MACF1: variants seen among roughly 807,000 people sequenced by gnomAD.
MACF1 encodes microtubule-actin cross-linking factor 1.
In MACF1, 193 loss-of-function variants were observed where a neutral mutation model predicts 854.8. The observed-to-expected ratio is 0.23, with a 90% CI of 0.20 to 0.25. The LOEUF (loss-of-function observed/expected upper bound fraction) is 0.25. Ranked by LOEUF, MACF1 falls within the 10% of genes least tolerant of loss-of-function variation. The pLI is 1.00. For missense variants in MACF1, 7,722 were observed against 8,929.1 expected, an observed-to-expected ratio of 0.86 and a Z score of 5.45; for synonymous variants, 3,185 against 3,226.7, an observed-to-expected ratio of 0.99 and a Z score of 0.44.
chr1:39,310,680 T>C (rs904540916), intron 25 of MACF1, 151 bp from the exon 26 acceptor site: 6 of 854,050 alleles, frequency 7.0e-6, no homozygotes, highest in Non-Finnish European at 1.1e-5. Context: ...GTTTGGACTC[T>C]CAAAGATTAG....
intron 6 of MACF1, among the ~76,000 whole-genome samples, chr1:39,271,068 G>A (rs1645310007): frequency 6.6e-6 from 1 of 152,180 alleles, no homozygotes; most frequent in African/African-American, 2.4e-5. Context: ...TGATAGTTGT[G>A]TTATGGTAGG....
At chr1:39,414,549 A>G (rs1404383893) in intron 58 of MACF1, 8 of 1,591,034 alleles carry the variant, frequency 5.0e-6, no homozygotes, top group Non-Finnish European at 6.9e-6. Flanking sequence ...CCTGGTGGTG[A>G]TGAGAAATGG....
intron 22 of MACF1, among the ~76,000 whole-genome samples, chr1:39,301,796 G>A (rs1646049179): frequency 6.6e-6 from 1 of 151,748 alleles, no homozygotes; most frequent in Non-Finnish European, 1.5e-5. Context: ...CATTGCTCTT[G>A]GGAAAAAGCC....
At chr1:39,095,806 C>A (rs1293718368) in intron 2 of MACF1, among the ~76,000 whole-genome samples, 3 of 151,436 alleles carry the variant, frequency 2.0e-5, no homozygotes, top group African/African-American at 7.3e-5. Context: ...CCCAGGAGGT[C>A]ATGGCTGCAG....
At chr1:39,324,573 A>C (rs1646574586) in intron 34 of MACF1, 73 bp from the exon 35 acceptor site, 1 of 1,298,466 alleles carries the variant, frequency 7.7e-7, no homozygotes, top group Admixed American at 2.2e-5. Flanking sequence ...GGATTTAAAA[A>C]AATAATTTTA....
chr1:39,232,746 G>GTTTTTTTTTTTTT (rs10712180), intron 2 of MACF1, among the ~76,000 whole-genome samples: 6 of 128,484 alleles, frequency 4.7e-5, no homozygotes, highest in Non-Finnish European at 5.0e-5. Context: ...TACTCTCTTT[G>GTTTTTTTTTTTTT]TTTTTTTTTT....
At chr1:39,261,631 C>T (rs1390480750) in intron 6 of MACF1, among the ~76,000 whole-genome samples, 1 of 152,154 alleles carries the variant, frequency 6.6e-6, no homozygotes, top group Non-Finnish European at 1.5e-5. Flanking sequence ...TGGCACATAT[C>T]AGTACGTCAT....
chr1:39,359,035 G>T, intron 46 of MACF1, 106 bp from the exon 47 acceptor site: 1 of 1,469,252 alleles, frequency 6.8e-7, no homozygotes. Flanking sequence ...TTATGGCTAT[G>T]GTTAAACTTA....
At chr1:39,425,093 A>T (rs1361047364) in intron 61 of MACF1, among the ~76,000 whole-genome samples, 1 of 152,210 alleles carries the variant, frequency 6.6e-6, no homozygotes, top group East Asian at 1.9e-4. Context: ...GTCCATTTCC[A>T]GTAATGGTAC....
intron 6 of MACF1, among the ~76,000 whole-genome samples, chr1:39,268,077 A>G (rs562521821): frequency 2.6e-5 from 4 of 152,170 alleles, no homozygotes; most frequent in Admixed American, 1.3e-4. Context: ...CTTAAAATCT[A>G]TTTCATTTTG....
At chr1:39,440,669 G>A (rs534038256) in intron 72 of MACF1, among the ~76,000 whole-genome samples, 69 of 152,042 alleles carry the variant, frequency 4.5e-4, no homozygotes, top group African/African-American at 1.5e-3. Flanking sequence ...GACTTGTACT[G>A]TGTTATTTTA....
intron 2 of MACF1, among the ~76,000 whole-genome samples, chr1:39,128,501 C>T (rs1186568970): frequency 6.6e-6 from 1 of 152,130 alleles, no homozygotes; most frequent in Non-Finnish European, 1.5e-5. Flanking sequence ...TCAAGACCAT[C>T]CTGGCTAGCA....
intron 2 of MACF1, among the ~76,000 whole-genome samples, chr1:39,113,437 G>A (rs983781228): frequency 9.9e-5 from 15 of 152,084 alleles, no homozygotes; most frequent in African/African-American, 2.2e-4. Context: ...TGTGTTTATC[G>A]TTCTGAATAA....
chr1:39,482,063 A>C (rs1004638246), intron 99 of MACF1, among the ~76,000 whole-genome samples: 3 of 152,190 alleles, frequency 2.0e-5, no homozygotes, highest in Non-Finnish European at 4.4e-5. Context: ...TTAGATGTTT[A>C]ATGATGTACA....
Position 39,371,934 on chromosome 1 carries a change from G to A in MACF1, c.13096-545G>A, listed in dbSNP as rs150231070. Among the ~76,000 whole-genome samples, 1,476 of 151,144 alleles carry A rather than the reference G, an allele frequency of 9.8e-3. 31 individuals are homozygous for A. Among genetic ancestry groups the A allele is most frequent in the African/African-American group, 0.034 (1,388 of 41,166 alleles). On this transcript the variant is annotated intron_variant, in intron 51 of 100. Transcript: ENST00000564288. ...GTTCAAGCAACTCTCCCGTCTCAGCGCCCTGAGTCGCTGGGATTACGGGTG... is the reference window on the plus strand; with the variant it reads ...GTTCAAGCAACTCTCCCGTCTCAGCACCCTGAGTCGCTGGGATTACGGGTG...
chr1:39,337,766 TG>T (rs1319633764), intron 38 of MACF1, among the ~76,000 whole-genome samples: 6 of 143,864 alleles, frequency 4.2e-5, no homozygotes, highest in African/African-American at 1.0e-4. Context: ...TGTGTTTTTT[TG>T]TGTGTGTGTG....
In MACF1 at chr1:39,380,273, T is replaced by C. The variant is rs370217927; in HGVS notation, c.13548T>C (p.Ser4516=). Residue 4516 remains serine, a synonymous_variant, in exon 55 of 101, where the codon TCT becomes TCC. Coordinates refer to ENST00000564288, the MANE Select transcript of MACF1 (RefSeq NM_001394062.1). ...KAFLAELEQN[S]PKIQKVKEAL... ...TCCTGGCTGAGTTGGAACAGAATTCTCCAAAAATTCAAAAAGTAAAGGAAG... is the reference window on the plus strand; with the variant it reads ...TCCTGGCTGAGTTGGAACAGAATTCCCCAAAAATTCAAAAAGTAAAGGAAG... The C allele has an allele frequency of 1.4e-5, 23 of 1,613,472 alleles. No individual in the cohort carries two copies. The highest frequency in any genetic ancestry group is 1.9e-5 in the Non-Finnish European group (22 of 1,179,774).
chr1:39,225,833 G>T (rs1644710246), intron 1 of MACF1, among the ~76,000 whole-genome samples: 1 of 152,078 alleles, frequency 6.6e-6, no homozygotes, highest in Non-Finnish European at 1.5e-5. Flanking sequence ...CTAGGCCTGG[G>T]TTAAACTAGG....
intron 1 of MACF1, among the ~76,000 whole-genome samples, chr1:39,222,123 TA>T (rs960126379): frequency 2.6e-4 from 38 of 147,546 alleles, no homozygotes; most frequent in East Asian, 5.9e-4. Flanking sequence ...CTTTGTAAAT[TA>T]AAAAAAAAAA....
Sources: gnomAD v4.1 joint callset for allele counts (sites outside exome capture counted in the v4.1 genomes callset) on GRCh38, gnomAD v4.1.1 for gene constraint, MANE v1.5 for transcripts, NCBI Gene and HGNC (gene_info 2026-07-23, HGNC 2026-07-21) for gene names.